Variants in BMP6 observed in about 807,000 individuals in gnomAD.
The protein encoded by BMP6 is VG-1-R.
A neutral mutation model predicts 54.1 loss-of-function variants in BMP6; 17 were observed. That is an observed-to-expected ratio of 0.31 (90% CI 0.22 to 0.47). BMP6 has a LOEUF of 0.47. Among genes scored for constraint, BMP6 ranks in the 20% least tolerant of loss-of-function variants. The pLI, the probability that BMP6 is intolerant of heterozygous loss-of-function variation, is 1.00. For synonymous variants in BMP6, 328 were observed against 291.2 expected (o/e 1.13, Z -1.28); for missense variants, 720 against 690.4 (o/e 1.04, Z -0.48).
intron 1 of BMP6, among the ~76,000 whole-genome samples, chr6:7,812,937 G>A (rs528705337): frequency 1.4e-5 from 2 of 145,534 alleles, no homozygotes; most frequent in African/African-American, 2.5e-5. Context: ...AACTGGCCAC[G>A]TATCTGTGTT....
chr6:7,837,373 T>C (rs1039769221), intron 1 of BMP6, among the ~76,000 whole-genome samples: 2 of 152,104 alleles, frequency 1.3e-5, no homozygotes, highest in African/African-American at 4.8e-5. Context: ...GAAAAATCTT[T>C]AGTAAGATCA....
intron 1 of BMP6, among the ~76,000 whole-genome samples, chr6:7,731,964 G>A (rs754581641): frequency 2.0e-4 from 30 of 152,020 alleles, no homozygotes; most frequent in Non-Finnish European, 2.9e-4. Flanking sequence ...TTCAGAAAAG[G>A]GAATCAGTAT....
chr6:7,880,016 A>G lies in BMP6; in HGVS notation c.1307A>G (p.Tyr436Cys). 1 of 1,614,204 alleles carries G rather than the reference A, an allele frequency of 6.2e-7. No homozygotes were observed. Among genetic ancestry groups the G allele is most frequent in the Non-Finnish European group, 8.5e-7 (1 of 1,180,038 alleles). The stretch of plus-strand genomic sequence containing the variant: ...GACTGGATCATTGCACCCAAGGGCT[A>G]TGCTGCCAATTACTGTGATGGAGAA... ...WQDWIIAPKG[Y>C]AANYCDGECS... Residue 436 changes from tyrosine to cysteine, a missense_variant, in exon 6 of 7, where the codon TAT (tyrosine) becomes TGT (cysteine). Around this residue, in one of 3 missense-constraint regions of BMP6, gnomAD observed 27 missense variants for 80.1 expected, o/e 0.34. Transcript: ENST00000283147.
intron 1 of BMP6, among the ~76,000 whole-genome samples, chr6:7,790,594 T>A (rs573752004): frequency 2.0e-5 from 3 of 151,224 alleles, no homozygotes; most frequent in South Asian, 4.2e-4. Flanking sequence ...GTATATTAAG[T>A]TTGTTTTCAA....
chr6:7,825,212 C>T (rs1421516587), intron 1 of BMP6, among the ~76,000 whole-genome samples: 4 of 132,474 alleles, frequency 3.0e-5, no homozygotes, highest in Non-Finnish European at 1.6e-5. Flanking sequence ...TCCAGGAGTT[C>T]AAGCTTACGT....
At chr6:7,789,884 G>A (rs763939035) in intron 1 of BMP6, among the ~76,000 whole-genome samples, 1 of 152,064 alleles carries the variant, frequency 6.6e-6, no homozygotes, top group South Asian at 2.1e-4. Flanking sequence ...CACACCTTCT[G>A]GATTGCTGAT....
chr6:7,863,426 C>T (rs1017701086), intron 4 of BMP6, among the ~76,000 whole-genome samples: 1 of 152,106 alleles, frequency 6.6e-6, no homozygotes, highest in Non-Finnish European at 1.5e-5. Flanking sequence ...ATATGGTGGC[C>T]AGGAAGGCAA....
chr6:7,839,361 G>A (rs910434702), intron 1 of BMP6, among the ~76,000 whole-genome samples: 15 of 152,212 alleles, frequency 9.9e-5, no homozygotes, highest in African/African-American at 3.6e-4. Context: ...CGGTTCAGTG[G>A]CATTAAGGAC....
chr6:7,865,209 A>G (rs1732566316), intron 4 of BMP6, among the ~76,000 whole-genome samples: 3 of 152,170 alleles, frequency 2.0e-5, no homozygotes, highest in African/African-American at 7.2e-5. Context: ...TTTAAATTAA[A>G]TATGGATATT....
chr6:7,821,481 G>A (rs749605146), intron 1 of BMP6, among the ~76,000 whole-genome samples: 2 of 152,100 alleles, frequency 1.3e-5, no homozygotes, highest in African/African-American at 2.4e-5. Flanking sequence ...GGCCGGGAGG[G>A]CAGCATCGTG....
At chr6:7,854,556 C>T (rs1047428843) in intron 2 of BMP6, among the ~76,000 whole-genome samples, 3 of 152,118 alleles carry the variant, frequency 2.0e-5, no homozygotes, top group African/African-American at 4.8e-5. Context: ...CAGCACTTGG[C>T]GAGGCCGGGG....
chr6:7,795,234 T>C (rs763593090), intron 1 of BMP6, among the ~76,000 whole-genome samples: 1 of 152,148 alleles, frequency 6.6e-6, no homozygotes, highest in Non-Finnish European at 1.5e-5. Context: ...ATCCCCACTC[T>C]TGAGATTTTG....
chr6:7,729,333 C>A (rs955781942), intron 1 of BMP6, among the ~76,000 whole-genome samples: 2 of 151,634 alleles, frequency 1.3e-5, no homozygotes, highest in Non-Finnish European at 2.9e-5. Flanking sequence ...CCCGCCCCCA[C>A]CCCGCCTCCA....
intron 1 of BMP6, among the ~76,000 whole-genome samples, chr6:7,753,281 G>C (rs1348620936): frequency 3.3e-5 from 5 of 152,178 alleles, no homozygotes; most frequent in Non-Finnish European, 7.3e-5. Flanking sequence ...AGAGACGAGA[G>C]AGTGCACAAG....
intron 1 of BMP6, among the ~76,000 whole-genome samples, chr6:7,826,249 C>T (rs780758212): frequency 2.0e-5 from 3 of 152,196 alleles, no homozygotes; most frequent in African/African-American, 7.2e-5. Context: ...ACTCACAGGT[C>T]GCTTCTAGTC....
chr6:7,834,457 T>G (rs1331156185), intron 1 of BMP6, among the ~76,000 whole-genome samples: 2 of 151,366 alleles, frequency 1.3e-5, no homozygotes, highest in African/African-American at 4.9e-5. Flanking sequence ...TAAATAATAG[T>G]AAATATATGA....
At chr6:7,828,092 C>T (rs62387051) in intron 1 of BMP6, among the ~76,000 whole-genome samples, 1 of 152,162 alleles carries the variant, frequency 6.6e-6, no homozygotes, top group African/African-American at 2.4e-5. Context: ...ATCATACATT[C>T]AAATGCTTGA....
At chr6:7,848,895 A>G (rs1455313432) in intron 2 of BMP6, among the ~76,000 whole-genome samples, 1 of 152,232 alleles carries the variant, frequency 6.6e-6, no homozygotes, top group African/African-American at 2.4e-5. Flanking sequence ...TAGTAGTTAC[A>G]GTTTGGAAAA....
intron 1 of BMP6, among the ~76,000 whole-genome samples, chr6:7,808,071 C>T (rs955766326): frequency 3.3e-5 from 5 of 151,930 alleles, no homozygotes; most frequent in Admixed American, 6.6e-5. Context: ...CAGGCACCCG[C>T]CACCACACCC....
Sources: allele counts gnomAD v4.1 joint callset (sites outside exome capture counted in the v4.1 genomes callset), GRCh38; gene constraint gnomAD v4.1.1; regional missense constraint gnomAD v4.1.1; transcripts MANE v1.5; gene names NCBI Gene and HGNC (gene_info 2026-07-23, HGNC 2026-07-21).